Variants in MAP1LC3C observed in about 807,000 individuals in gnomAD.
MAP1LC3C encodes microtubule-associated protein 1 light chain 3 gamma.
MAP1LC3C carries 12 observed loss-of-function variants against 10.4 expected under a neutral mutation model. That is an observed-to-expected ratio of 1.15 (90% CI 0.74 to 1.86). The LOEUF (loss-of-function observed/expected upper bound fraction) is 1.86. MAP1LC3C is among the 40% of genes most tolerant of loss of function. The pLI is 0.00. For missense variants in MAP1LC3C, 177 were observed against 185.7 expected, an observed-to-expected ratio of 0.95 and a Z score of 0.27; for synonymous variants, 70 against 69.0, an observed-to-expected ratio of 1.01 and a Z score of -0.07.
chr1:241,995,939 T>A lies in MAP1LC3C; in HGVS notation c.*224A>T, dbSNP rs142786584. On this transcript the variant is annotated 3_prime_UTR_variant, in exon 4 of 4. Transcript: ENST00000357246. ...GTTTCAAAAAAAAAAAAATGATAAT[T>A]ATATAACTTTCAAGAGCAGCCCACA... 52 of 439,112 alleles carry A rather than the reference T, an allele frequency of 1.2e-4. No homozygotes were observed. In the East Asian group the frequency reaches 1.4e-3, roughly 12 times the overall value. The allele number at this position is 439,112 out of a possible 1,614,324, so 27.2% of individuals were successfully genotyped here.
Position 241,995,991 on chromosome 1 carries a change from G to T in MAP1LC3C, c.*172C>A. On this transcript the variant is annotated 3_prime_UTR_variant, in exon 4 of 4. Transcript: ENST00000357246. ...TTTTCTTAGAAGGACACAAGAACAC[G>T]GAGCACAAAAACTAAACTAGGAAGA... 1.9e-6 allele frequency: 1 copy of T among 531,320 alleles called. No individual in the cohort carries two copies. The highest frequency in any genetic ancestry group is 3.3e-6 in the Non-Finnish European group (1 of 302,058). 32.9% of individuals were successfully genotyped at this position (531,320 alleles called of 1,614,324 possible).
At chr1:241,997,765 TCA>T (rs1249177577) in intron 3 of MAP1LC3C, among the ~76,000 whole-genome samples, 4 of 152,124 alleles carry the variant, frequency 2.6e-5, no homozygotes, top group Non-Finnish European at 2.9e-5. Context: ...CTTTTCTCTC[TCA>T]GTGTTCTGAG....
chr1:241,997,503 G>A (rs1033040999), intron 3 of MAP1LC3C, among the ~76,000 whole-genome samples: 1 of 152,064 alleles, frequency 6.6e-6, no homozygotes, highest in East Asian at 1.9e-4. Flanking sequence ...CTAGGCGACA[G>A]AGCTAAATAA....
Position 241,998,539 on chromosome 1 carries a change from T to G in MAP1LC3C, c.196A>C (p.Met66Leu). Residue 66 changes from methionine (M) to leucine (L), a missense_variant, in exon 3 of 4, where the codon ATG (methionine) becomes CTG (leucine). By Grantham distance (15) the Met-to-Leu change is conservative (BLOSUM62 2). Transcript: ENST00000357246. The part of the protein sequence containing the change: ...TKFLVPQELT[M>L]TQFLSIIRSR... Reference sequence around the variant, plus strand: ...CGGATGATGCTGAGGAACTGGGTCATGGTCAGCTCCTGCGGGACCAGGAAC... The same window carrying G: ...CGGATGATGCTGAGGAACTGGGTCAGGGTCAGCTCCTGCGGGACCAGGAAC... 1 of 1,614,054 alleles carries G rather than the reference T, an allele frequency of 6.2e-7. No homozygotes were observed. Among genetic ancestry groups the G allele is most frequent in the Non-Finnish European group, 8.5e-7 (1 of 1,180,018 alleles).
Position 241,995,501 on chromosome 1 carries a change from C to T in MAP1LC3C, c.*662G>A, listed in dbSNP as rs1468816666. ...CCGAGCCCTAGATGGGACACCTGCC[C>T]ACATGCAGGGAGTGAAACCCACTCC... On this transcript the variant is annotated 3_prime_UTR_variant, in exon 4 of 4. Transcript: ENST00000357246. The T allele has an allele frequency of 6.6e-6, 1 of 152,180 alleles. No homozygotes were observed. Among genetic ancestry groups the T allele is most frequent in the Non-Finnish European group, 1.5e-5 (1 of 68,066 alleles). The allele number at this position is 152,180 out of a possible 1,614,324, so 9.4% of individuals were successfully genotyped here.
chr1:241,996,135 T>A lies in MAP1LC3C; in HGVS notation c.*28A>T. 1 of 1,593,028 alleles carries A rather than the reference T, an allele frequency of 6.3e-7. No individual in the cohort carries two copies. The highest frequency in any genetic ancestry group is 8.6e-7 in the Non-Finnish European group (1 of 1,164,626). Reference sequence around the variant, plus strand: ...CTTCTGCCAGCATCTGACACGTCTGTCAGAGCACACATCCTTCCCGACATG... The same window carrying A: ...CTTCTGCCAGCATCTGACACGTCTGACAGAGCACACATCCTTCCCGACATG... On this transcript the variant is annotated 3_prime_UTR_variant, in exon 4 of 4. Transcript: ENST00000357246.
At chr1:241,998,852 A>AG in intron 1 of MAP1LC3C, 21 bp from the exon 2 acceptor site, 1 of 1,614,108 alleles carries the variant, frequency 6.2e-7, no homozygotes, top group Non-Finnish European at 8.5e-7. Flanking sequence ...TTCAAGCACA[A>AG]GAGAAGAAGC....
chr1:241,999,251 A>T (rs928830759), upstream of MAP1LC3C, among the ~76,000 whole-genome samples: 4 of 152,188 alleles, frequency 2.6e-5, no homozygotes, highest in South Asian at 4.1e-4. Context: ...AGAGAAAGCC[A>T]CTTTGTTCAT....
At chr1:241,999,600 G>A (rs1410524204), upstream of MAP1LC3C, among the ~76,000 whole-genome samples, 2 of 152,186 alleles carry the variant, frequency 1.3e-5, no homozygotes, top group African/African-American at 4.8e-5. Flanking sequence ...GTGGGAGGCC[G>A]AGGCGGGTGG....
chr1:242,001,163 G>T (rs950977174), upstream of MAP1LC3C, among the ~76,000 whole-genome samples: 1 of 152,154 alleles, frequency 6.6e-6, no homozygotes, highest in Non-Finnish European at 1.5e-5. Context: ...TGTAATCCCA[G>T]CTACTAGGGA....
rs2148599246 is a variant in MAP1LC3C at position 241,996,365 on chromosome 1, G to A, written c.242C>T (p.Ala81Val). Residue 81 changes from alanine to valine, a missense_variant, in exon 4 of 4, where the codon GCC becomes GTC. Physicochemically the swap from Ala to Val is moderately conservative, Grantham distance 64. Transcript: ENST00000357246. ...CACCAGCAAGTAAAAGGCTTCCGTG[G>A]CTCTCAGGACCATGCGGCTCCTGGG... ...SIIRSRMVLR[A>V]TEAFYLLVNN... The A allele has an allele frequency of 6.2e-7, 1 of 1,614,046 alleles. No homozygotes were observed.
At position 241,999,055 on chromosome 1, in the gene MAP1LC3C, C is replaced by A; in HGVS notation, c.-47G>T. 1.3e-6 allele frequency: 2 copies of A among 1,561,796 alleles called. No homozygotes were observed. Among genetic ancestry groups the A allele is most frequent in the Non-Finnish European group, 1.7e-6 (2 of 1,164,646 alleles). ...TTTTAAAAAAGAAAAAAAAACTGTC[C>A]CGCAACCGGGAACCTAACTCATTCC... On this transcript the variant is annotated 5_prime_UTR_variant, in exon 1 of 4. Transcript: ENST00000357246.
chr1:241,999,636 C>T (rs953391559), upstream of MAP1LC3C, among the ~76,000 whole-genome samples: 4 of 152,124 alleles, frequency 2.6e-5, no homozygotes, highest in African/African-American at 9.7e-5. Flanking sequence ...TGCTGAAACC[C>T]CATCTCTACT....
rs750665926 is a variant in MAP1LC3C, at chr1:241,998,539, T to C, written c.196A>G (p.Met66Val). 2 of 1,614,054 alleles carry C rather than the reference T, an allele frequency of 1.2e-6. No individual in the cohort carries two copies. Among genetic ancestry groups the C allele is most frequent in the South Asian group, 1.1e-5 (1 of 91,048 alleles). ...TKFLVPQELT[M>V]TQFLSIIRSR... ...CGGATGATGCTGAGGAACTGGGTCA[T>C]GGTCAGCTCCTGCGGGACCAGGAAC... is the stretch of plus-strand genomic sequence containing the variant. Residue 66 changes from methionine to valine, a missense_variant, in exon 3 of 4, where the codon ATG (methionine) becomes GTG (valine). Met to Val is a conservative substitution (Grantham distance 21, BLOSUM62 1). Transcript: ENST00000357246.
At chr1:241,999,633 AC>A (rs1454405478), upstream of MAP1LC3C, among the ~76,000 whole-genome samples, 1 of 151,956 alleles carries the variant, frequency 6.6e-6, no homozygotes, top group Non-Finnish European at 1.5e-5. Flanking sequence ...ACATGCTGAA[AC>A]CCCATCTCTA....
Position 241,998,821 on chromosome 1 carries a change from T to G in MAP1LC3C, c.69A>C (p.Gln23His). Residue 23 changes from glutamine to histidine, a missense_variant, in exon 2 of 4, where the codon CAA (glutamine) becomes CAC (histidine). Physicochemically the swap from Gln to His is conservative, Grantham distance 24 (BLOSUM62 0). Coordinates refer to ENST00000357246, the MANE Select transcript of MAP1LC3C (RefSeq NM_001004343.3). ...FKQRKSLAIR[Q>H]EEVAGIRAKF... Reference sequence around the variant, plus strand: ...TTGCCCGGATTCCAGCAACTTCCTCTTGTCTGATTGCTGTGAATATTTCAA... The same window carrying G: ...TTGCCCGGATTCCAGCAACTTCCTCGTGTCTGATTGCTGTGAATATTTCAA... 6.2e-7 allele frequency: 1 copy of G among 1,613,952 alleles called. No homozygotes were observed.
chr1:241,998,418 C>T, intron 3 of MAP1LC3C, 96 bp downstream of exon 3: 1 of 968,746 alleles, frequency 1.0e-6, no homozygotes. Flanking sequence ...CCCTGACGTG[C>T]CCCCATCCCC....
Position 241,999,014 on chromosome 1 carries a change from T to C in MAP1LC3C, c.-6A>G. 1 of 1,601,246 alleles carries C rather than the reference T, an allele frequency of 6.2e-7. No individual in the cohort carries two copies. Among genetic ancestry groups the C allele is most frequent in the Non-Finnish European group, 8.5e-7 (1 of 1,177,156 alleles). On this transcript the variant is annotated 5_prime_UTR_variant, in exon 1 of 4. Transcript: ENST00000357246. ...ATTTTCTGTGGAGGCGGCATTGCACTCAGTAGCTGTGTCTGTTTTAAAAAA... is the reference window on the plus strand; with the variant it reads ...ATTTTCTGTGGAGGCGGCATTGCACCCAGTAGCTGTGTCTGTTTTAAAAAA...
chr1:241,998,552 C>A lies in MAP1LC3C; in HGVS notation c.183G>T (p.Pro61=), dbSNP rs199585203. ...PPLDKTKFLV[P]QELTMTQFLS... is the part of the protein sequence containing the mutation. The stretch of plus-strand genomic sequence containing the variant: ...GGAACTGGGTCATGGTCAGCTCCTG[C>A]GGGACCAGGAACTTGGTTTTGTCCA... Residue 61 remains proline, a synonymous_variant, in exon 3 of 4, where the codon CCG becomes CCT. Coordinates refer to ENST00000357246, the MANE Select transcript of MAP1LC3C (RefSeq NM_001004343.3). 9 of 1,613,602 alleles carry A rather than the reference C, an allele frequency of 5.6e-6. No homozygotes were observed. The East Asian group carries it at 2.0e-4, about 36-fold the overall frequency.
Sources: allele counts gnomAD v4.1 joint callset (sites outside exome capture counted in the v4.1 genomes callset), GRCh38; gene constraint gnomAD v4.1.1; transcripts MANE v1.5; gene names NCBI Gene and HGNC (gene_info 2026-07-23, HGNC 2026-07-21).